Variants in LRP1B observed in about 807,000 individuals in gnomAD.
LRP1B encodes LDL receptor related protein 1B.
Under a neutral mutation model 556.6 loss-of-function variants are expected in LRP1B, and 217 were observed. That is an observed-to-expected ratio of 0.39 (90% CI 0.35 to 0.44). The LOEUF (loss-of-function observed/expected upper bound fraction) is 0.44, where lower values mean the gene tolerates loss of function less well. Among genes scored for constraint, LRP1B ranks in the 20% least tolerant of loss-of-function variants. LRP1B has a pLI of 1.00. For synonymous variants in LRP1B, 2,047 were observed against 1,865.8 expected, an observed-to-expected ratio of 1.10 and a Z score of -2.50; for missense variants, 5,053 against 5,620.8, an observed-to-expected ratio of 0.90 and a Z score of 3.23.
chr2:140,525,414 C>T (rs935616700), intron 49 of LRP1B, among the ~76,000 whole-genome samples: 12 of 151,822 alleles, frequency 7.9e-5, no homozygotes, highest in South Asian at 2.1e-4. Flanking sequence ...AACTATTACT[C>T]AAATTACTAC....
At chr2:140,246,899 T>C (rs1400666900) in intron 87 of LRP1B, among the ~76,000 whole-genome samples, 187 bp downstream of exon 87, 1 of 151,504 alleles carries the variant, frequency 6.6e-6, no homozygotes, top group Non-Finnish European at 1.5e-5. Flanking sequence ...TAAAAGAAAA[T>C]GTACACACTG....
rs2104906816 is a variant in LRP1B at position 140,506,796 on chromosome 2, C to T, written c.8521G>A (p.Gly2841Arg). The change falls in exon 53 of 91, where the codon GGA (glycine) becomes AGA (arginine). Residue 2841 changes from glycine to arginine, a missense_variant and splice_region_variant. Gly to Arg is a moderately radical substitution (Grantham distance 125). This residue lies in a region of LRP1B where 3,619 missense variants were observed against 3,931.9 expected (regional missense o/e 0.92). Transcript: ENST00000389484. ...GDGSDESPQC[G>R]YRQCGTEEFS... ...TTCATGAAGTTTTAGATGTACTTACCACACTGCGGTGACTCATCAGAGCCA... is the reference window on the plus strand; with the variant it reads ...TTCATGAAGTTTTAGATGTACTTACTACACTGCGGTGACTCATCAGAGCCA... 1 of 1,610,290 alleles carries T rather than the reference C, an allele frequency of 6.2e-7. No homozygotes were observed. Among genetic ancestry groups the T allele is most frequent in the East Asian group, 2.2e-5 (1 of 44,706 alleles).
chr2:141,326,183 T>C (rs1687420871), intron 3 of LRP1B, among the ~76,000 whole-genome samples: 1 of 152,166 alleles, frequency 6.6e-6, no homozygotes. Context: ...ACAAACCAAG[T>C]AAGACATGTG....
intron 3 of LRP1B, among the ~76,000 whole-genome samples, chr2:141,413,133 C>T (rs551181155): frequency 4.6e-5 from 7 of 151,880 alleles, no homozygotes; most frequent in Non-Finnish European, 8.8e-5. Context: ...AGGCTGAGAC[C>T]GGAGGATTGC....
At chr2:140,889,078 T>C (rs1390218846) in intron 23 of LRP1B, among the ~76,000 whole-genome samples, 1 of 151,950 alleles carries the variant, frequency 6.6e-6, no homozygotes, top group Non-Finnish European at 1.5e-5. Flanking sequence ...AGACTAAAAG[T>C]AATTTAACAA....
chr2:141,838,499 C>T (rs1240910454), intron 1 of LRP1B, among the ~76,000 whole-genome samples: 4 of 152,096 alleles, frequency 2.6e-5, no homozygotes, highest in African/African-American at 9.7e-5. Flanking sequence ...TTTGGGAGGA[C>T]AAAATTAGGT....
At chr2:141,572,584 A>G (rs1686570106) in intron 2 of LRP1B, among the ~76,000 whole-genome samples, 1 of 152,166 alleles carries the variant, frequency 6.6e-6, no homozygotes, top group Non-Finnish European at 1.5e-5. Context: ...CATAACAACA[A>G]TAATCTGAAA....
intron 2 of LRP1B, among the ~76,000 whole-genome samples, chr2:141,546,804 A>G (rs1685570488): frequency 6.6e-6 from 1 of 152,190 alleles, no homozygotes; most frequent in Non-Finnish European, 1.5e-5. Flanking sequence ...GCTAGTTAGA[A>G]ACTGCCTGCT....
chr2:140,896,675 T>C (rs978700567), intron 23 of LRP1B, among the ~76,000 whole-genome samples: 3 of 151,950 alleles, frequency 2.0e-5, no homozygotes, highest in African/African-American at 7.3e-5. Context: ...AGGTAGGGGG[T>C]ATCCTTATGT....
intron 3 of LRP1B, among the ~76,000 whole-genome samples, chr2:141,471,067 A>G (rs1682444227): frequency 6.6e-6 from 1 of 152,172 alleles, no homozygotes; most frequent in Non-Finnish European, 1.5e-5. Context: ...TGTAATGTGC[A>G]TCCATTCTGG....
At chr2:140,892,656 G>A (rs918224251) in intron 23 of LRP1B, among the ~76,000 whole-genome samples, 1 of 152,114 alleles carries the variant, frequency 6.6e-6, no homozygotes, top group Non-Finnish European at 1.5e-5. Context: ...TACATTCCAT[G>A]ATTGTTACTG....
chr2:141,281,742 A>G (rs1326475724), intron 3 of LRP1B, among the ~76,000 whole-genome samples: 2 of 152,004 alleles, frequency 1.3e-5, no homozygotes, highest in African/African-American at 4.8e-5. Context: ...GAGGTACAAA[A>G]CTAAAGAGTT....
At chr2:141,071,102 C>T (rs998788148) in intron 7 of LRP1B, among the ~76,000 whole-genome samples, 1 of 151,724 alleles carries the variant, frequency 6.6e-6, no homozygotes, top group African/African-American at 2.4e-5. Context: ...TGCAAAAATC[C>T]TCAATAAAAT....
intron 66 of LRP1B, among the ~76,000 whole-genome samples, chr2:140,390,462 A>G: frequency 6.6e-6 from 1 of 152,172 alleles, no homozygotes; most frequent in East Asian, 1.9e-4. Context: ...ATCTGAAAGT[A>G]TAAACATAAT....
intron 2 of LRP1B, among the ~76,000 whole-genome samples, chr2:141,567,079 A>G (rs1395918078): frequency 6.6e-6 from 1 of 152,180 alleles, no homozygotes; most frequent in Admixed American, 6.5e-5. Flanking sequence ...TCATTTTAGT[A>G]TAATTCAGTT....
chr2:141,381,553 A>C (rs1689643286), intron 3 of LRP1B, among the ~76,000 whole-genome samples: 1 of 152,112 alleles, frequency 6.6e-6, no homozygotes, highest in East Asian at 1.9e-4. Flanking sequence ...ATCCTAAAGG[A>C]TACCAAATAA....
intron 3 of LRP1B, among the ~76,000 whole-genome samples, chr2:141,404,773 CTTCT>C (rs1690572367): frequency 6.6e-6 from 1 of 152,100 alleles, no homozygotes; most frequent in African/African-American, 2.4e-5. Flanking sequence ...TCTTTGAATC[CTTCT>C]AAGATGAGTA....
chr2:141,873,953 A>T (rs10179633), intron 1 of LRP1B, among the ~76,000 whole-genome samples: 26,195 of 151,874 alleles, frequency 0.17, 2,305 homozygotes, highest in South Asian at 0.19. Flanking sequence ...ATCAAGACAT[A>T]CAATAATATT....
chr2:140,252,456 C>T (rs542082011), intron 86 of LRP1B, among the ~76,000 whole-genome samples: 8 of 151,934 alleles, frequency 5.3e-5, no homozygotes, highest in South Asian at 4.2e-4. Context: ...AAAACGAGGA[C>T]GCACATGTTC....
Sources: gnomAD v4.1 joint callset for allele counts (sites outside exome capture counted in the v4.1 genomes callset) on GRCh38, gnomAD v4.1.1 for gene constraint, gnomAD v4.1.1 regional missense constraint, MANE v1.5 for transcripts, NCBI Gene and HGNC (gene_info 2026-07-23, HGNC 2026-07-21) for gene names.